EEPD1: variants seen among roughly 807,000 people sequenced by gnomAD.
EEPD1 encodes endonuclease/exonuclease/phosphatase family domain-containing protein 1.
Under a neutral mutation model 46.3 loss-of-function variants are expected in EEPD1, and 17 were observed. The ratio of observed to expected loss-of-function variants is 0.37; its 90% CI spans 0.25 to 0.55. The LOEUF is 0.55. Ranked by LOEUF, EEPD1 falls within the 20% of genes least tolerant of loss-of-function variation. EEPD1 has a pLI of 0.83. For missense variants in EEPD1, 673 were observed against 745.6 expected (o/e 0.90, Z 1.13); for synonymous variants, 313 against 315.6 (o/e 0.99, Z 0.09).
In EEPD1 at chr7:36,219,802, A is replaced by AGTGTGTGTGTGTGTGT. The variant is rs1404686805; in HGVS notation, c.879-19182_879-19181insTGTGTGTGTGTGTGTG. Among the ~76,000 whole-genome samples the AGTGTGTGTGTGTGTGT allele has an allele frequency of 3.0e-4, 20 of 67,318 alleles. No homozygotes were observed. In the East Asian group the frequency reaches 3.1e-3, roughly 10 times the overall value. 44.2% of individuals were successfully genotyped at this position (67,318 alleles called of 152,430 possible). A position where few individuals can be genotyped will look rare whatever the true frequency, so the allele number is the denominator to read the frequency against. On this transcript the variant is annotated intron_variant, in intron 2 of 7. Transcript: ENST00000242108. Reference sequence around the variant, plus strand: ...GAGAGAGAGAGAGAGAGAGAGAGAGAGAGAGTGTGTGTGTGTGTGTGTGTG... The same window carrying AGTGTGTGTGTGTGTGT: ...GAGAGAGAGAGAGAGAGAGAGAGAGAGTGTGTGTGTGTGTGTGAGAGTGTGTGTGTGTGTGTGTGTG...
At chr7:36,208,995 C>CT (rs1646957510) in intron 2 of EEPD1, among the ~76,000 whole-genome samples, 1 of 152,210 alleles carries the variant, frequency 6.6e-6, no homozygotes. Context: ...GAGCGCAGAC[C>CT]TGGAGCTAGA....
Position 36,208,067 on chromosome 7 carries a change from TTCC to T in EEPD1, c.879-30913_879-30911del, listed in dbSNP as rs1785854342. 2.6e-5 allele frequency among the ~76,000 whole-genome samples: 4 copies of T among 152,230 alleles called. No individual in the cohort carries two copies. In the South Asian group the frequency reaches 8.3e-4, roughly 32 times the overall value. The stretch of plus-strand genomic sequence containing the variant: ...TTTTTATTTTTATCTCATCAGCGTG[TTCC>T]TCCTTTTGAAGTGTGAATCCTAGTG... On this transcript the variant is annotated intron_variant, in intron 2 of 7. Transcript: ENST00000242108.
intron 2 of EEPD1, among the ~76,000 whole-genome samples, chr7:36,162,567 C>T (rs747890176): frequency 3.3e-5 from 5 of 152,108 alleles, no homozygotes; most frequent in Admixed American, 6.5e-5. Context: ...TAGCTTGAGC[C>T]TGGGAAGTGG....
At chr7:36,171,014 G>A (rs995133499) in intron 2 of EEPD1, among the ~76,000 whole-genome samples, 12 of 152,232 alleles carry the variant, frequency 7.9e-5, no homozygotes, top group African/African-American at 2.9e-4. Context: ...CTCAAACTCC[G>A]AGGCTCAAGC....
At chr7:36,287,849 C>T (rs566868045) in intron 6 of EEPD1, 72 bp downstream of exon 6, 1 of 1,562,404 alleles carries the variant, frequency 6.4e-7, no homozygotes, top group East Asian at 2.3e-5. Context: ...TCTGAGCCAT[C>T]TCTGACCACT....
At chr7:36,213,862 C>T (rs891668941) in intron 2 of EEPD1, among the ~76,000 whole-genome samples, 4 of 152,130 alleles carry the variant, frequency 2.6e-5, no homozygotes, top group Non-Finnish European at 5.9e-5. Context: ...CTGTCTTGTC[C>T]TCTGTTCATC....
chr7:36,244,324 A>G (rs932447070), intron 3 of EEPD1, among the ~76,000 whole-genome samples: 3 of 152,220 alleles, frequency 2.0e-5, no homozygotes, highest in Non-Finnish European at 4.4e-5. Context: ...TTTCCTTCAC[A>G]AGTACTGGTA....
chr7:36,198,248 C>A (rs1412869675), intron 2 of EEPD1, among the ~76,000 whole-genome samples: 1 of 144,196 alleles, frequency 6.9e-6, no homozygotes, highest in Non-Finnish European at 1.5e-5. Flanking sequence ...AAATCTAGGA[C>A]TTGACAAAGC....
intron 2 of EEPD1, among the ~76,000 whole-genome samples, chr7:36,209,919 A>G (rs1270152828): frequency 6.6e-6 from 1 of 152,082 alleles, no homozygotes; most frequent in East Asian, 1.9e-4. Context: ...CATCCAAACT[A>G]TATCAGGCAC....
chr7:36,233,260 A>G (rs1313083891), intron 2 of EEPD1, among the ~76,000 whole-genome samples: 1 of 152,260 alleles, frequency 6.6e-6, no homozygotes, highest in African/African-American at 2.4e-5. Context: ...GCCACCAGGC[A>G]TATTTCATGA....
intron 3 of EEPD1, among the ~76,000 whole-genome samples, chr7:36,254,742 C>T (rs1382901130): frequency 3.9e-5 from 6 of 152,198 alleles, no homozygotes; most frequent in African/African-American, 9.7e-5. Flanking sequence ...AACTAGTTTA[C>T]GCTCCCATCA....
intron 3 of EEPD1, among the ~76,000 whole-genome samples, chr7:36,267,709 A>G (rs1787044588): frequency 6.6e-6 from 1 of 152,088 alleles, no homozygotes; most frequent in Admixed American, 6.5e-5. Context: ...GACCATGTCT[A>G]TTTTACTCCC....
At chr7:36,272,286 A>G (rs1191297543) in intron 3 of EEPD1, among the ~76,000 whole-genome samples, 1 of 152,178 alleles carries the variant, frequency 6.6e-6, no homozygotes, top group Non-Finnish European at 1.5e-5. Context: ...GGAGAAGTAA[A>G]GAACCTTTGG....
intron 2 of EEPD1, among the ~76,000 whole-genome samples, chr7:36,191,730 T>G (rs1248319670): frequency 6.6e-6 from 1 of 152,218 alleles, no homozygotes; most frequent in East Asian, 1.9e-4. Flanking sequence ...CTTCAGCACT[T>G]TGGACTAAAA....
At chr7:36,217,541 G>A (rs1786050626) in intron 2 of EEPD1, among the ~76,000 whole-genome samples, 1 of 152,188 alleles carries the variant, frequency 6.6e-6, no homozygotes, top group South Asian at 2.1e-4. Context: ...CTGTGACTTA[G>A]AATGCCTAAC....
intron 3 of EEPD1, among the ~76,000 whole-genome samples, chr7:36,250,226 G>GA (rs374217363): frequency 1.3e-5 from 2 of 151,212 alleles, no homozygotes; most frequent in East Asian, 1.9e-4. Context: ...TGCCTCAAAA[G>GA]AAAAAAAAAT....
Position 36,289,650 on chromosome 7 carries a change from G to A in EEPD1, c.1315+1873G>A, listed in dbSNP as rs552520918. On this transcript the variant is annotated intron_variant, in intron 6 of 7. Coordinates refer to ENST00000242108, the MANE Select transcript of EEPD1 (RefSeq NM_030636.3). ...GCTGGGACTATAGGCGCCCGCCACCGCGCCTGGCTAATTTTTTGTATTTTT... is the reference window on the plus strand; with the variant it reads ...GCTGGGACTATAGGCGCCCGCCACCACGCCTGGCTAATTTTTTGTATTTTT... Among the ~76,000 whole-genome samples the A allele has an allele frequency of 1.6e-4, 25 of 152,236 alleles. No individual in the cohort carries two copies. The East Asian group carries it at 3.1e-3, about 19-fold the overall frequency.
chr7:36,180,380 C>T (rs745915895), intron 2 of EEPD1, among the ~76,000 whole-genome samples: 3 of 152,018 alleles, frequency 2.0e-5, no homozygotes, highest in Non-Finnish European at 4.4e-5. Context: ...TCCTTCATGC[C>T]CTGCCCACAC....
chr7:36,204,054 A>G (rs2115709068), intron 2 of EEPD1, among the ~76,000 whole-genome samples: 1 of 140,732 alleles, frequency 7.1e-6, no homozygotes, highest in South Asian at 2.2e-4. Flanking sequence ...TTTTTTTTAG[A>G]CACAGAGCCT....
Sources: gnomAD v4.1 joint callset for allele counts (sites outside exome capture counted in the v4.1 genomes callset) on GRCh38, gnomAD v4.1.1 for gene constraint, MANE v1.5 for transcripts, NCBI Gene and HGNC (gene_info 2026-07-23, HGNC 2026-07-21) for gene names.